Variants in ADGRL3 observed in about 807,000 individuals in gnomAD.
ADGRL3 encodes calcium-independent alpha-latrotoxin receptor 3.
Under a neutral mutation model 153.5 loss-of-function variants are expected in ADGRL3, and 62 were observed. That is an observed-to-expected ratio of 0.40 (90% CI 0.33 to 0.50). ADGRL3 has a LOEUF of 0.50. ADGRL3 is among the 20% of genes least tolerant of loss of function. The probability of loss-of-function intolerance (pLI) is 0.47; values close to 1 mark genes in which losing one functional copy is unlikely to be tolerated. For missense variants in ADGRL3, 1,641 were observed against 1,859.4 expected, an observed-to-expected ratio of 0.88 and a Z score of 2.16; for synonymous variants, 710 against 672.5, an observed-to-expected ratio of 1.06 and a Z score of -0.86.
intron 2 of ADGRL3, among the ~76,000 whole-genome samples, chr4:61,391,485 G>A (rs2096801391): frequency 6.6e-6 from 1 of 152,124 alleles, no homozygotes; most frequent in Non-Finnish European, 1.5e-5. Context: ...GTTTGGAGGG[G>A]ACAAACATCC....
chr4:61,897,259 A>G (rs757405206), intron 11 of ADGRL3, among the ~76,000 whole-genome samples: 15 of 152,220 alleles, frequency 9.9e-5, no homozygotes, highest in African/African-American at 3.4e-4. Context: ...TGTGATCATT[A>G]TATTTAAACT....
Position 62,044,528 on chromosome 4 carries a change from A to C in ADGRL3, c.3793A>C (p.Ser1265Arg), listed in dbSNP as rs1027644008. ...ESSFITGDINSSASLNREPYR... is the reference protein window; with the variant it reads ...ESSFITGDINRSASLNREPYR... ...TTCCTTTATTACTGGAGACATAAACAGTTCAGCGTCACTCAACAGAGGTAA... is the reference window on the plus strand; with the variant it reads ...TTCCTTTATTACTGGAGACATAAACCGTTCAGCGTCACTCAACAGAGGTAA... The change falls in exon 25 of 27, where the codon AGT becomes CGT. Residue 1265 changes from serine to arginine, a missense_variant. Physicochemically the swap from Ser to Arg is moderately radical, Grantham distance 110. Around this residue, in one of 5 missense-constraint regions of ADGRL3, gnomAD observed 517 missense variants for 555.0 expected, o/e 0.93. Coordinates refer to ENST00000683033, the MANE Select transcript of ADGRL3 (RefSeq NM_001387552.1). 1 of 1,591,750 alleles carries C rather than the reference A, an allele frequency of 6.3e-7. No homozygotes were observed. Among genetic ancestry groups the C allele is most frequent in the African/African-American group, 1.3e-5 (1 of 74,500 alleles).
At chr4:61,325,914 C>G (rs1181768437) in intron 1 of ADGRL3, among the ~76,000 whole-genome samples, 2 of 152,062 alleles carry the variant, frequency 1.3e-5, no homozygotes, top group Non-Finnish European at 2.9e-5. Context: ...TATTAGAACT[C>G]ATTACATTCA....
At chr4:61,551,709 C>T (rs2098741230) in intron 4 of ADGRL3, among the ~76,000 whole-genome samples, 1 of 152,086 alleles carries the variant, frequency 6.6e-6, no homozygotes, top group Non-Finnish European at 1.5e-5. Context: ...TCATCTCAAA[C>T]AAACATAGTC....
rs2098712704 is a variant in ADGRL3 at position 61,909,675 on chromosome 4, G to C, written c.2003G>C (p.Gly668Ala). Residue 668 changes from glycine (G) to alanine (A), a missense_variant, in exon 12 of 27, where the codon GGC (glycine) becomes GCC (alanine). Physicochemically the swap from Gly to Ala is moderately conservative, Grantham distance 60. This residue lies in a region of ADGRL3 where 734 missense variants were observed against 797.0 expected (regional missense o/e 0.92). Transcript: ENST00000683033. The part of the protein sequence containing the change: ...YSVRAMDQLV[G>A]LLDVQLRNLT... ...GTCCGGGCCATGGACCAGCTGGTAG[G>C]CCTCCTAGATGTACAGCTTCGGAAC... 6.2e-7 allele frequency: 1 copy of C among 1,606,146 alleles called. No individual in the cohort carries two copies. The highest frequency in any genetic ancestry group is 1.1e-5 in the South Asian group (1 of 89,618).
At chr4:61,300,513 A>G (rs546821163) in intron 1 of ADGRL3, among the ~76,000 whole-genome samples, 1 of 152,258 alleles carries the variant, frequency 6.6e-6, no homozygotes. Context: ...CTTGAAAGTG[A>G]ATGAGAGGAA....
Position 61,607,160 on chromosome 4 carries a change from G to A in ADGRL3, c.473+19720G>A, listed in dbSNP as rs1310426259. 3.9e-5 allele frequency among the ~76,000 whole-genome samples: 6 copies of A among 152,134 alleles called. No homozygotes were observed. The South Asian group carries it at 6.2e-4, about 16-fold the overall frequency. On this transcript the variant is annotated intron_variant, in intron 5 of 26. Coordinates refer to ENST00000683033, the MANE Select transcript of ADGRL3 (RefSeq NM_001387552.1). Reference sequence around the variant, plus strand: ...GAATGGGTGCTGCTGATGAGTGGGGGATGCAATCATAGGGGTGTGGAAAAC... The same window carrying A: ...GAATGGGTGCTGCTGATGAGTGGGGAATGCAATCATAGGGGTGTGGAAAAC...
chr4:62,016,096 T>A (rs2099210161), intron 21 of ADGRL3, among the ~76,000 whole-genome samples: 1 of 152,078 alleles, frequency 6.6e-6, no homozygotes. Flanking sequence ...GTCACCAGGC[T>A]GGAGTGCAGT....
intron 8 of ADGRL3, among the ~76,000 whole-genome samples, chr4:61,757,170 G>T (rs1037997176): frequency 1.2e-4 from 18 of 152,092 alleles, no homozygotes; most frequent in African/African-American, 4.3e-4. Flanking sequence ...TTTTTGTATT[G>T]ATTGGAATAG....
intron 21 of ADGRL3, among the ~76,000 whole-genome samples, chr4:62,008,399 G>A (rs1279181388): frequency 6.6e-6 from 1 of 152,018 alleles, no homozygotes; most frequent in African/African-American, 2.4e-5. Flanking sequence ...GTGTACAAGC[G>A]AAGGCTGATC....
At chr4:61,594,875 C>A (rs1358503930) in intron 5 of ADGRL3, among the ~76,000 whole-genome samples, 1 of 152,142 alleles carries the variant, frequency 6.6e-6, no homozygotes, top group Non-Finnish European at 1.5e-5. Context: ...TAAGCTGGAA[C>A]TTAAACCACA....
intron 6 of ADGRL3, among the ~76,000 whole-genome samples, chr4:61,708,801 A>ATTAT (rs1180622737): frequency 2.6e-4 from 39 of 151,810 alleles, no homozygotes; most frequent in Middle Eastern, 3.4e-3. Flanking sequence ...AACTTTATTC[A>ATTAT]TTATTTATTT....
At chr4:61,546,890 G>A (rs545386031) in intron 4 of ADGRL3, among the ~76,000 whole-genome samples, 4 of 152,138 alleles carry the variant, frequency 2.6e-5, no homozygotes, top group Non-Finnish European at 4.4e-5. Context: ...TCCACCATAT[G>A]TCTTTTTTGT....
rs1204663836 is a variant in ADGRL3 at position 61,325,312 on chromosome 4, AAAAAAC to A, written c.-239-57796_-239-57791del. ...GGCGACAGTGAGAGACTCAATTTCA[AAAAAAC>A]AAAAACAAAAACAAATGAACAAAAA... On this transcript the variant is annotated intron_variant, in intron 1 of 26. Coordinates refer to ENST00000683033, the MANE Select transcript of ADGRL3 (RefSeq NM_001387552.1). Among the ~76,000 whole-genome samples, 6 of 152,304 alleles carry A rather than the reference AAAAAAC, an allele frequency of 3.9e-5. No individual in the cohort carries two copies. The East Asian group carries it at 5.8e-4, about 15-fold the overall frequency.
At chr4:61,544,977 T>G (rs1029881320) in intron 4 of ADGRL3, among the ~76,000 whole-genome samples, 2 of 152,230 alleles carry the variant, frequency 1.3e-5, no homozygotes, top group African/African-American at 4.8e-5. Context: ...GTCAAATTCC[T>G]CTTTAAAAGT....
intron 1 of ADGRL3, among the ~76,000 whole-genome samples, chr4:61,307,083 G>A (rs1407081824): frequency 6.6e-6 from 1 of 152,160 alleles, no homozygotes; most frequent in African/African-American, 2.4e-5. Flanking sequence ...AATGCATCAT[G>A]TTCTAAATGC....
At chr4:61,380,641 T>G (rs1377391651) in intron 1 of ADGRL3, among the ~76,000 whole-genome samples, 2 of 152,018 alleles carry the variant, frequency 1.3e-5, no homozygotes, top group East Asian at 3.9e-4. Context: ...CTAGAGTGAG[T>G]TGCAATAATT....
intron 9 of ADGRL3, among the ~76,000 whole-genome samples, chr4:61,857,971 G>A (rs1047505387): frequency 6.6e-6 from 1 of 152,164 alleles, no homozygotes; most frequent in Non-Finnish European, 1.5e-5. Flanking sequence ...AAACTTTAAT[G>A]AGGCAGAATC....
chr4:61,209,266 A>G (rs1414122141), intron 1 of ADGRL3, among the ~76,000 whole-genome samples: 1 of 152,094 alleles, frequency 6.6e-6, no homozygotes, highest in African/African-American at 2.4e-5. Context: ...TGGTCTTTGG[A>G]CTGAGAGTCA....
Sources: allele counts gnomAD v4.1 joint callset (sites outside exome capture counted in the v4.1 genomes callset), GRCh38; gene constraint gnomAD v4.1.1; regional missense constraint gnomAD v4.1.1; transcripts MANE v1.5; gene names NCBI Gene and HGNC (gene_info 2026-07-23, HGNC 2026-07-21).